LTA4H: variants seen among roughly 807,000 people sequenced by gnomAD.
LTA4H encodes leukotriene A4 hydrolase.
A neutral mutation model predicts 89.8 loss-of-function variants in LTA4H; 59 were observed. The ratio of observed to expected loss-of-function variants is 0.66; its 90% CI spans 0.53 to 0.82. The LOEUF is 0.82. Ranked by LOEUF, LTA4H falls within the 40% of genes least tolerant of loss-of-function variation. The probability of loss-of-function intolerance (pLI) is 0.00; values close to 1 mark genes in which losing one functional copy is unlikely to be tolerated. For missense variants in LTA4H, 617 were observed against 727.0 expected (o/e 0.85, Z 1.74); for synonymous variants, 227 against 253.1 (o/e 0.90, Z 0.98).
intron 3 of LTA4H, among the ~76,000 whole-genome samples, chr12:96,026,118 G>A (rs1033035460): frequency 6.6e-6 from 1 of 152,142 alleles, no homozygotes; most frequent in Non-Finnish European, 1.5e-5. Context: ...GATTAAGTAG[G>A]ACTAGCAGAG....
At chr12:96,030,652 G>A (rs562424054) in intron 1 of LTA4H, among the ~76,000 whole-genome samples, 1 of 152,030 alleles carries the variant, frequency 6.6e-6, no homozygotes, top group East Asian at 1.9e-4. Context: ...ACTAACCCAG[G>A]TCAGGCCCTG....
chr12:96,029,678 C>T (rs1007974516), intron 1 of LTA4H, among the ~76,000 whole-genome samples: 1 of 152,138 alleles, frequency 6.6e-6, no homozygotes, highest in African/African-American at 2.4e-5. Flanking sequence ...GTAACTCAGA[C>T]CAAATGATTC....
intron 15 of LTA4H, among the ~76,000 whole-genome samples, chr12:96,008,206 G>T (rs183783932): frequency 6.6e-6 from 1 of 152,074 alleles, no homozygotes; most frequent in Non-Finnish European, 1.5e-5. Flanking sequence ...TTGAAATTAC[G>T]TAAAAAAATG....
upstream of LTA4H, among the ~76,000 whole-genome samples, chr12:96,039,484 T>C (rs2136929092): frequency 1.3e-5 from 2 of 152,340 alleles, no homozygotes; most frequent in Middle Eastern, 3.4e-3. Flanking sequence ...GTATGGGAAC[T>C]GCTTGGCACT....
intron 12 of LTA4H, 108 bp downstream of exon 12, chr12:96,014,747 G>T: frequency 1.9e-6 from 2 of 1,036,304 alleles, no homozygotes; most frequent in Non-Finnish European, 2.8e-6. Context: ...GCTACATCCA[G>T]AATGAATTGG....
In LTA4H at chr12:96,006,068, G is replaced by A. The variant is rs536248897; in HGVS notation, c.1530+246C>T. Among the ~76,000 whole-genome samples the A allele has an allele frequency of 3.3e-5, 5 of 152,074 alleles. No individual in the cohort carries two copies. The East Asian group carries it at 9.7e-4, about 29-fold the overall frequency. Reference sequence around the variant, plus strand: ...TGGCTTATTGCTAAATTTTGCATGTGTTCCCCTTCCTACTAGATTATACGC... The same window carrying A: ...TGGCTTATTGCTAAATTTTGCATGTATTCCCCTTCCTACTAGATTATACGC... On this transcript the variant is annotated intron_variant, in intron 16 of 18. Transcript: ENST00000228740.
At chr12:96,025,308 T>A (rs1268644555) in intron 3 of LTA4H, 2 of 152,192 alleles carry the variant, frequency 1.3e-5, no homozygotes, top group Non-Finnish European at 2.9e-5. Context: ...AACCCATTTC[T>A]CTCTGGTTTA....
chr12:96,036,495 G>A (rs1429084528), upstream of LTA4H, among the ~76,000 whole-genome samples: 1 of 152,200 alleles, frequency 6.6e-6, no homozygotes, highest in African/African-American at 2.4e-5. Context: ...AGCATGGTCA[G>A]ACTCATGTTA....
At chr12:96,042,080 C>T (rs1340441228) in intron 1 of LTA4H, among the ~76,000 whole-genome samples, 2 of 148,826 alleles carry the variant, frequency 1.3e-5, no homozygotes, top group East Asian at 2.0e-4. Context: ...GCCTCCTGGG[C>T]GCAAGTGATC....
At chr12:96,019,336 G>A in intron 6 of LTA4H, 96 bp from the exon 7 acceptor site, 1 of 1,008,386 alleles carries the variant, frequency 9.9e-7, no homozygotes, top group South Asian at 1.5e-5. Flanking sequence ...AACCTTTACA[G>A]TGAGAGTGCA....
intron 2 of LTA4H, among the ~76,000 whole-genome samples, chr12:96,028,249 T>C (rs1343561666): frequency 2.0e-5 from 3 of 152,194 alleles, no homozygotes; most frequent in Non-Finnish European, 4.4e-5. Flanking sequence ...GTTCGAATCC[T>C]GACTCTATCA....
intron 18 of LTA4H, among the ~76,000 whole-genome samples, chr12:96,002,513 C>T (rs1950120601): frequency 6.6e-6 from 1 of 152,076 alleles, no homozygotes; most frequent in Admixed American, 6.6e-5. Flanking sequence ...CAACTTATCC[C>T]CCTCTCACTA....
chr12:96,015,474 G>T, intron 11 of LTA4H, 109 bp downstream of exon 11: 1 of 737,832 alleles, frequency 1.4e-6, no homozygotes, highest in Non-Finnish European at 2.3e-6. Flanking sequence ...TTCCACACTT[G>T]TAAAAATGAC....
chr12:96,034,945 G>GTTTA (rs1214795644), intron 1 of LTA4H, among the ~76,000 whole-genome samples: 29 of 152,246 alleles, frequency 1.9e-4, no homozygotes, highest in African/African-American at 6.8e-4. Flanking sequence ...CTGGGCCGCA[G>GTTTA]GCCGAAGCAA....
chr12:96,014,020 G>A (rs1010321599), intron 12 of LTA4H, 167 bp from the exon 13 acceptor site: 1 of 519,526 alleles, frequency 1.9e-6, no homozygotes, highest in African/African-American at 2.0e-5. Context: ...AAGGAGGTGG[G>A]ACTTAAGTTG....
chr12:96,023,937 G>GT (rs111331702), intron 4 of LTA4H, among the ~76,000 whole-genome samples: 106 of 147,066 alleles, frequency 7.2e-4, no homozygotes, highest in African/African-American at 1.7e-3. Context: ...TGTTTTTTGG[G>GT]TTTTTTTTTT....
At position 96,031,439 on chromosome 12, in the gene LTA4H, AAT is replaced by A. The variant is rs540699060; in HGVS notation, c.160-2256_160-2255del. 2.4e-3 allele frequency among the ~76,000 whole-genome samples: 371 copies of A among 152,354 alleles called. 2 individuals carry two copies. Among genetic ancestry groups the A allele is most frequent in the Admixed American group, 4.4e-3 (67 of 15,308 alleles). ...AATTTCAGCGATGTTATTTTTAAAA[AAT>A]AGTCAAAAACTGTAATAAGAAAGAA... On this transcript the variant is annotated intron_variant, in intron 1 of 18. Coordinates refer to ENST00000228740, the MANE Select transcript of LTA4H (RefSeq NM_000895.3).
rs568843240 is a variant in LTA4H at position 96,013,313 on chromosome 12, A to C, written c.1309-55T>G. The C allele has an allele frequency of 3.2e-5, 39 of 1,216,862 alleles. No homozygotes were observed. The African/African-American group carries it at 5.7e-4, about 18-fold the overall frequency. 75.4% of individuals were successfully genotyped at this position (1,216,862 alleles called of 1,614,324 possible). A position where few individuals can be genotyped will look rare whatever the true frequency, so the allele number is the denominator to read the frequency against. Reference sequence around the variant, plus strand: ...ATAGAATGCCCTTTCCTGTCAAAAAAAAATTTAAACTTGTAAGTCCTTAGA... The same window carrying C: ...ATAGAATGCCCTTTCCTGTCAAAAACAAATTTAAACTTGTAAGTCCTTAGA... On this transcript the variant is annotated intron_variant, in intron 13 of 18. Transcript: ENST00000228740.
chr12:96,013,604 C>T (rs533122182), intron 13 of LTA4H, 146 bp downstream of exon 13: 137 of 598,320 alleles, frequency 2.3e-4, no homozygotes, highest in Middle Eastern at 4.5e-4. Context: ...GTTAAGATCA[C>T]ATTTAAAATA....
Sources: gnomAD v4.1 joint callset for allele counts (sites outside exome capture counted in the v4.1 genomes callset) on GRCh38, gnomAD v4.1.1 for gene constraint, MANE v1.5 for transcripts, NCBI Gene and HGNC (gene_info 2026-07-23, HGNC 2026-07-21) for gene names.